Variants in NPSR1 observed in about 807,000 individuals in gnomAD.
The protein encoded by NPSR1 is neuropeptide S receptor.
Under a neutral mutation model 46.9 loss-of-function variants are expected in NPSR1, and 48 were observed. That is an observed-to-expected ratio of 1.02 (90% CI 0.81 to 1.30). NPSR1 has a LOEUF of 1.30. Ranked by LOEUF, NPSR1 falls within the 50% of genes most tolerant of loss-of-function variation. NPSR1 has a pLI of 0.00. For synonymous variants in NPSR1, 176 were observed against 168.1 expected, an observed-to-expected ratio of 1.05 and a Z score of -0.36; for missense variants, 450 against 449.5, an observed-to-expected ratio of 1.00 and a Z score of -0.01.
At chr7:34,719,262 C>G (rs1220015839) in intron 2 of NPSR1, 3 of 152,306 alleles carry the variant, frequency 2.0e-5, no homozygotes, top group African/African-American at 7.2e-5. Flanking sequence ...CAAGGGACTG[C>G]AAATACCCTC....
At chr7:34,678,806 A>T (rs1792465123) in intron 1 of NPSR1, among the ~76,000 whole-genome samples, 1 of 148,806 alleles carries the variant, frequency 6.7e-6, no homozygotes, top group Admixed American at 6.6e-5. Context: ...AGCCTGGGTG[A>T]CAGAACTAGA....
At chr7:34,849,512 CT>C in intron 8 of NPSR1, 52 bp from the exon 9 acceptor site, 1 of 1,608,528 alleles carries the variant, frequency 6.2e-7, no homozygotes, top group Non-Finnish European at 8.5e-7. Context: ...GTCTACTTGC[CT>C]TTTCATTAGG....
intron 8 of NPSR1, among the ~76,000 whole-genome samples, chr7:34,877,197 T>C (rs1447668264): frequency 6.6e-6 from 1 of 151,936 alleles, no homozygotes; most frequent in Non-Finnish European, 1.5e-5. Context: ...TGAGCCACAA[T>C]TCTGATGGGG....
intron 2 of NPSR1, among the ~76,000 whole-genome samples, chr7:34,690,029 T>A (rs1793168339): frequency 6.6e-6 from 1 of 151,960 alleles, no homozygotes; most frequent in Non-Finnish European, 1.5e-5. Flanking sequence ...ATAAGCCTCC[T>A]GAGACCTCTG....
chr7:34,673,245 T>TCAGA (rs1792146351), intron 1 of NPSR1, among the ~76,000 whole-genome samples: 1 of 152,158 alleles, frequency 6.6e-6, no homozygotes, highest in African/African-American at 2.4e-5. Context: ...GCCTCCACCA[T>TCAGA]CAGACTATAA....
At chr7:34,751,791 C>T in intron 2 of NPSR1, 1 of 1,587,904 alleles carries the variant, frequency 6.3e-7, no homozygotes, top group South Asian at 1.1e-5. Context: ...CCTGCCATAT[C>T]TGGGCACAGA....
At chr7:34,734,786 G>A (rs1174157397) in intron 2 of NPSR1, among the ~76,000 whole-genome samples, 1 of 152,230 alleles carries the variant, frequency 6.6e-6, no homozygotes, top group Non-Finnish European at 1.5e-5. Flanking sequence ...TTCTCAAGAA[G>A]GTGGTCTAAA....
chr7:34,696,078 TAAAAA>T (rs34574984), intron 2 of NPSR1, among the ~76,000 whole-genome samples: 4 of 113,890 alleles, frequency 3.5e-5, no homozygotes, highest in South Asian at 2.8e-4. Flanking sequence ...GTTGATTTGA[TAAAAA>T]AAAAAAAAAA....
At chr7:34,703,025 C>T (rs930730124) in intron 2 of NPSR1, among the ~76,000 whole-genome samples, 11 of 152,218 alleles carry the variant, frequency 7.2e-5, no homozygotes, top group African/African-American at 2.2e-4. Context: ...CTCCGTTCCT[C>T]CCTTAGTGAT....
intron 1 of NPSR1, among the ~76,000 whole-genome samples, chr7:34,677,620 C>A (rs1792385140): frequency 6.6e-6 from 1 of 152,160 alleles, no homozygotes; most frequent in Non-Finnish European, 1.5e-5. Context: ...GGAATGCCCA[C>A]AAGGTGTAGA....
At chr7:34,689,616 A>AAAAAAT (rs1793128027) in intron 2 of NPSR1, among the ~76,000 whole-genome samples, 1 of 143,866 alleles carries the variant, frequency 7.0e-6, no homozygotes, top group Admixed American at 6.8e-5. Flanking sequence ...AAAAAAAAAA[A>AAAAAAT]AAAAAAAAAA....
chr7:34,751,733 G>T, intron 2 of NPSR1: 5 of 1,584,838 alleles, frequency 3.2e-6, no homozygotes, highest in Non-Finnish European at 4.3e-6. Flanking sequence ...GGGTCCCCCT[G>T]ACTGGTTCTC....
chr7:34,761,473 T>C (rs1227766526), intron 2 of NPSR1, among the ~76,000 whole-genome samples: 1 of 152,184 alleles, frequency 6.6e-6, no homozygotes, highest in East Asian at 1.9e-4. Context: ...TGAAGGGGGA[T>C]CTGAGCAGCA....
At chr7:34,845,722 G>A in intron 7 of NPSR1, 1 of 376,422 alleles carries the variant, frequency 2.7e-6, no homozygotes, top group Non-Finnish European at 5.2e-6. Context: ...AAATCTATGA[G>A]GGCAATGACT....
chr7:34,848,712 G>A, intron 8 of NPSR1, 49 bp downstream of exon 8: 1 of 1,528,630 alleles, frequency 6.5e-7, no homozygotes, highest in African/African-American at 1.4e-5. Context: ...CCATTGCACT[G>A]GGATTCTGCC....
downstream of NPSR1, among the ~76,000 whole-genome samples, chr7:34,851,801 A>G (rs1348885038): frequency 6.6e-6 from 1 of 152,212 alleles, no homozygotes; most frequent in African/African-American, 2.4e-5. Flanking sequence ...TGTGATCTGT[A>G]GAAACTGTGA....
At chr7:34,787,624 T>C (rs568521024) in intron 3 of NPSR1, among the ~76,000 whole-genome samples, 2 of 152,126 alleles carry the variant, frequency 1.3e-5, no homozygotes, top group Non-Finnish European at 2.9e-5. Flanking sequence ...AAGTGAGACA[T>C]GTGTGACTCT....
chr7:34,728,081 T>A (rs943899086), intron 2 of NPSR1, among the ~76,000 whole-genome samples: 9 of 151,956 alleles, frequency 5.9e-5, no homozygotes, highest in Non-Finnish European at 8.8e-5. Flanking sequence ...GTAAGTTTTT[T>A]TTATTATTAT....
intron 3 of NPSR1, among the ~76,000 whole-genome samples, chr7:34,793,769 C>A (rs985460497): frequency 6.6e-6 from 1 of 152,118 alleles, no homozygotes; most frequent in African/African-American, 2.4e-5. Context: ...CATCTGCTGT[C>A]CTGTGTTTAT....
Sources: gnomAD v4.1 joint callset for allele counts (sites outside exome capture counted in the v4.1 genomes callset) on GRCh38, gnomAD v4.1.1 for gene constraint, MANE v1.5 for transcripts, NCBI Gene and HGNC (gene_info 2026-07-23, HGNC 2026-07-21) for gene names.